TEAD1: variants seen among roughly 807,000 people sequenced by gnomAD.
The protein encoded by TEAD1 is transcriptional enhancer factor TEF-1.
TEAD1 carries 9 observed loss-of-function variants against 54.9 expected under a neutral mutation model. The ratio of observed to expected loss-of-function variants is 0.16; its 90% CI spans 0.10 to 0.29. TEAD1 has a LOEUF of 0.29. Ranked by LOEUF, TEAD1 falls within the 10% of genes least tolerant of loss-of-function variation. The probability of loss-of-function intolerance (pLI) is 1.00; values close to 1 mark genes in which losing one functional copy is unlikely to be tolerated. For synonymous variants in TEAD1, 200 were observed against 187.8 expected, an observed-to-expected ratio of 1.07 and a Z score of -0.53; for missense variants, 387 against 535.9, an observed-to-expected ratio of 0.72 and a Z score of 2.74.
intron 9 of TEAD1, among the ~76,000 whole-genome samples, chr11:12,896,872 T>C (rs1459108939): frequency 6.6e-6 from 1 of 152,214 alleles, no homozygotes; most frequent in Non-Finnish European, 1.5e-5. Flanking sequence ...GTGCCTGGCA[T>C]GTATGATGGA....
chr11:12,711,266 G>T (rs981433437), intron 2 of TEAD1, among the ~76,000 whole-genome samples: 1 of 152,170 alleles, frequency 6.6e-6, no homozygotes, highest in Non-Finnish European at 1.5e-5. Context: ...GAATGTGCAG[G>T]ACTGGGTGAT....
intron 2 of TEAD1, among the ~76,000 whole-genome samples, chr11:12,725,405 C>A (rs1041734975): frequency 6.6e-6 from 1 of 152,112 alleles, no homozygotes; most frequent in East Asian, 1.9e-4. Context: ...AGTTTGACAG[C>A]GGACTAGAGT....
At chr11:12,930,121 A>G in intron 11 of TEAD1, 53 bp from the exon 12 acceptor site, 1 of 1,609,764 alleles carries the variant, frequency 6.2e-7, no homozygotes, top group Non-Finnish European at 8.5e-7. Flanking sequence ...TATCTGTTTC[A>G]TGTGTTTTGG....
intron 3 of TEAD1, among the ~76,000 whole-genome samples, chr11:12,836,385 C>T (rs1175561951): frequency 6.8e-6 from 1 of 147,782 alleles, no homozygotes; most frequent in South Asian, 2.1e-4. Flanking sequence ...GCACCACTGC[C>T]GTCTAGCCTG....
At chr11:12,835,379 G>A (rs1319937979) in intron 3 of TEAD1, among the ~76,000 whole-genome samples, 5 of 152,032 alleles carry the variant, frequency 3.3e-5, no homozygotes, top group South Asian at 2.1e-4. Context: ...GTGTTGCTCC[G>A]TCACCCAGGC....
At chr11:12,880,892 C>G (rs925149522) in intron 6 of TEAD1, 113 bp from the exon 7 acceptor site, 9 of 1,204,566 alleles carry the variant, frequency 7.5e-6, no homozygotes, top group Admixed American at 1.7e-5. Flanking sequence ...GAAAGCGATT[C>G]TGTTGGGTGA....
chr11:12,935,685 C>T (rs1207631749), intron 12 of TEAD1, among the ~76,000 whole-genome samples: 1 of 152,074 alleles, frequency 6.6e-6, no homozygotes, highest in East Asian at 1.9e-4. Flanking sequence ...GTCTCGAACT[C>T]CTGACCTTGT....
At chr11:12,800,380 A>G (rs1946029296) in intron 3 of TEAD1, among the ~76,000 whole-genome samples, 2 of 152,246 alleles carry the variant, frequency 1.3e-5, no homozygotes, top group African/African-American at 4.8e-5. Flanking sequence ...TCAAACAGCT[A>G]TGTGCCAGGT....
chr11:12,932,479 A>G (rs1046954134), intron 12 of TEAD1, among the ~76,000 whole-genome samples: 31 of 152,178 alleles, frequency 2.0e-4, no homozygotes, highest in African/African-American at 7.5e-4. Context: ...CTAAGGATGC[A>G]TGTTCTCAGT....
At chr11:12,917,971 C>T (rs1489552964) in intron 10 of TEAD1, among the ~76,000 whole-genome samples, 3 of 152,080 alleles carry the variant, frequency 2.0e-5, no homozygotes, top group Non-Finnish European at 4.4e-5. Flanking sequence ...TCAACTGTTT[C>T]TTGGATTTTT....
chr11:12,846,209 C>T (rs1351881773), intron 3 of TEAD1, among the ~76,000 whole-genome samples: 1 of 152,202 alleles, frequency 6.6e-6, no homozygotes. Flanking sequence ...ATTGTCTGAA[C>T]AAAATGTTGC....
At chr11:12,829,111 G>C (rs2134014736) in intron 3 of TEAD1, among the ~76,000 whole-genome samples, 1 of 152,224 alleles carries the variant, frequency 6.6e-6, no homozygotes, top group African/African-American at 2.4e-5. Context: ...TGGAAGCAGA[G>C]GCTCTGATCC....
intron 3 of TEAD1, among the ~76,000 whole-genome samples, chr11:12,844,896 G>A (rs7929874): frequency 0.012 from 1,820 of 150,618 alleles, 37 homozygotes; most frequent in African/African-American, 0.042. Flanking sequence ...GCATGTGTTG[G>A]CTCCAAGGAA....
At chr11:12,723,956 C>G (rs910354771) in intron 2 of TEAD1, among the ~76,000 whole-genome samples, 2 of 152,164 alleles carry the variant, frequency 1.3e-5, no homozygotes, top group Non-Finnish European at 2.9e-5. Context: ...TGACAGAGTT[C>G]GCTTGATGAC....
intron 2 of TEAD1, among the ~76,000 whole-genome samples, chr11:12,683,464 G>C (rs1482722339): frequency 2.6e-5 from 4 of 152,074 alleles, no homozygotes; most frequent in African/African-American, 9.7e-5. Context: ...CAGAATAAAG[G>C]GGAAACACAC....
intron 3 of TEAD1, among the ~76,000 whole-genome samples, chr11:12,836,919 A>G (rs1946903796): frequency 1.3e-5 from 2 of 152,208 alleles, no homozygotes; most frequent in Admixed American, 1.3e-4. Context: ...GTGTTGTATT[A>G]TGAAATGCAG....
chr11:12,857,327 T>C (rs139519137), intron 3 of TEAD1, among the ~76,000 whole-genome samples: 407 of 152,320 alleles, frequency 2.7e-3, no homozygotes, highest in African/African-American at 9.4e-3. Context: ...CAAGGGCAGC[T>C]ACAACTACAG....
intron 2 of TEAD1, among the ~76,000 whole-genome samples, chr11:12,736,355 G>C (rs1382731160): frequency 6.6e-6 from 1 of 152,134 alleles, no homozygotes; most frequent in African/African-American, 2.4e-5. Flanking sequence ...AGATAGGTTT[G>C]TACAGTAGTG....
At chr11:12,885,259 A>G (rs1948063795) in intron 9 of TEAD1, among the ~76,000 whole-genome samples, 1 of 133,924 alleles carries the variant, frequency 7.5e-6, no homozygotes, top group South Asian at 2.3e-4. Flanking sequence ...TTTTTGAGAC[A>G]GCGTCTCGCT....
Sources: gnomAD v4.1 joint callset for allele counts (sites outside exome capture counted in the v4.1 genomes callset) on GRCh38, gnomAD v4.1.1 for gene constraint, MANE v1.5 for transcripts, NCBI Gene and HGNC (gene_info 2026-07-23, HGNC 2026-07-21) for gene names.